Variants in ZNF587 observed in about 807,000 individuals in gnomAD.
ZNF587 encodes the protein zinc finger protein zfp6.
In ZNF587, 8 loss-of-function variants were observed where a neutral mutation model predicts 7.5. The ratio of observed to expected loss-of-function variants is 1.06; its 90% CI spans 0.62 to 1.92. The LOEUF (loss-of-function observed/expected upper bound fraction) is 1.92. Among genes scored for constraint, ZNF587 ranks in the 40% most tolerant of loss-of-function variants. The probability of loss-of-function intolerance (pLI) is 0.00; values close to 1 mark genes in which losing one functional copy is unlikely to be tolerated. For missense variants in ZNF587, 468 were observed against 692.8 expected, an observed-to-expected ratio of 0.68 and a Z score of 3.64; for synonymous variants, 145 against 237.8, an observed-to-expected ratio of 0.61 and a Z score of 3.59.
Position 57,860,876 on chromosome 19 carries a change from G to GAA in ZNF587, c.*737_*738insAA, listed in dbSNP as rs1207939006. On this transcript the variant is annotated 3_prime_UTR_variant, in exon 3 of 3. Transcript: ENST00000339656. ...ATAGATTAAAGTACAACTCTTTTTT[G>GAA]AGACAGAGTCTCACTCTGTCACCCA... 1 of 152,060 alleles carries GAA rather than the reference G, an allele frequency of 6.6e-6. No homozygotes were observed. Among genetic ancestry groups the GAA allele is most frequent in the Non-Finnish European group, 1.5e-5 (1 of 68,056 alleles). The allele number at this position is 152,060 out of a possible 1,614,324, so 9.4% of individuals were successfully genotyped here. A position where few individuals can be genotyped will look rare whatever the true frequency, so the allele number is the denominator to read the frequency against.
rs2071465271 is a variant in ZNF587, at chr19:57,863,565, A to G, written c.*3425A>G. The G allele has an allele frequency of 6.6e-6, 1 of 152,196 alleles. No homozygotes were observed. Among genetic ancestry groups the G allele is most frequent in the African/African-American group, 2.4e-5 (1 of 41,446 alleles). 9.4% of individuals were successfully genotyped at this position (152,196 alleles called of 1,614,324 possible). On this transcript the variant is annotated 3_prime_UTR_variant, in exon 3 of 3. Transcript: ENST00000339656. ...CGCCCTGGCCACTTCTTGTCTTTGC[A>G]ACATTTTTTAGATATGTATTTGTGT...
chr19:57,857,723 C>T (rs2071379792), intron 2 of ZNF587, among the ~76,000 whole-genome samples: 1 of 151,846 alleles, frequency 6.6e-6, no homozygotes, highest in African/African-American at 2.4e-5. Context: ...TAACCTCTGC[C>T]TCCTGGGTTC....
chr19:57,863,621 C>A lies in ZNF587; in HGVS notation c.*3481C>A, dbSNP rs1386546680. Reference sequence around the variant, plus strand: ...GGGGAGCTTAATTTGCTAATGGAATCTCTGTTATTTTCCTAACATGCTTGG... The same window carrying A: ...GGGGAGCTTAATTTGCTAATGGAATATCTGTTATTTTCCTAACATGCTTGG... On this transcript the variant is annotated 3_prime_UTR_variant, in exon 3 of 3. Transcript: ENST00000339656. The A allele has an allele frequency of 6.6e-6, 1 of 152,194 alleles. No individual in the cohort carries two copies. Among genetic ancestry groups the A allele is most frequent in the African/African-American group, 2.4e-5 (1 of 41,428 alleles). 9.4% of individuals were successfully genotyped at this position (152,194 alleles called of 1,614,324 possible). A position where few individuals can be genotyped will look rare whatever the true frequency, so the allele number is the denominator to read the frequency against.
At position 57,849,953 on chromosome 19, in the gene ZNF587, A is replaced by G; in HGVS notation, c.-86A>G. On this transcript the variant is annotated 5_prime_UTR_variant, in exon 1 of 3. Coordinates refer to ENST00000339656, the MANE Select transcript of ZNF587 (RefSeq NM_032828.4). ...CGGTGACTGAACCTAGAAGGTGGAG[A>G]GGAATCGTCCTCGGTGCCCAGAGGC... 1 of 1,612,392 alleles carries G rather than the reference A, an allele frequency of 6.2e-7. No individual in the cohort carries two copies. Among genetic ancestry groups the G allele is most frequent in the South Asian group, 1.1e-5 (1 of 90,844 alleles).
chr19:57,855,737 A>G (rs1180175616), intron 1 of ZNF587, among the ~76,000 whole-genome samples: 2 of 151,482 alleles, frequency 1.3e-5, no homozygotes, highest in Non-Finnish European at 2.9e-5. Flanking sequence ...AATTTTTTGT[A>G]TTTTTAGTAG....
In ZNF587 at chr19:57,856,251, ACCTTTGTGAC is replaced by A; in HGVS notation, c.163+20_163+29del. The A allele has an allele frequency of 1.3e-6, 2 of 1,553,720 alleles. No homozygotes were observed. Among genetic ancestry groups the A allele is most frequent in the Non-Finnish European group, 1.7e-6 (2 of 1,149,802 alleles). On this transcript the variant is annotated intron_variant, in intron 2 of 2. Transcript: ENST00000339656. ...CTCGCTGGGTAAGTTGCTCACGCTC[ACCTTTGTGAC>A]CTGAGCTAGTGTTACTGTTCCCCTG... is the stretch of plus-strand genomic sequence containing the variant.
intron 1 of ZNF587, 98 bp from the exon 2 acceptor site, chr19:57,856,006 C>A: frequency 6.4e-7 from 1 of 1,559,562 alleles, no homozygotes; most frequent in Non-Finnish European, 8.7e-7. Flanking sequence ...GTGTTGGGGA[C>A]CTTGGGAGGA....
At position 57,859,772 on chromosome 19, in the gene ZNF587, C is replaced by T. The variant is rs1410762051; in HGVS notation, c.1360C>T (p.His454Tyr). The T allele has an allele frequency of 5.0e-6, 8 of 1,613,840 alleles. No individual in the cohort carries two copies. Among genetic ancestry groups the T allele is most frequent in the Admixed American group, 1.7e-5 (1 of 59,984 alleles). The change falls in exon 3 of 3, where the codon CAT becomes TAT. Residue 454 changes from histidine (H) to tyrosine (Y), a missense_variant. Physicochemically the swap from His to Tyr is moderately conservative, Grantham distance 83. Coordinates refer to ENST00000339656, the MANE Select transcript of ZNF587 (RefSeq NM_032828.4). Reference sequence around the variant, plus strand: ...TAACAGGAAGTATCATCTTCTGGTTCATGAGAGAGTTCACACTGGAGAAAG... The same window carrying T: ...TAACAGGAAGTATCATCTTCTGGTTTATGAGAGAGTTCACACTGGAGAAAG... Reference protein sequence around the residue: ...LFNRKYHLLVHERVHTGERPY... With the variant: ...LFNRKYHLLVYERVHTGERPY...
chr19:57,851,831 G>A (rs1568505199), intron 1 of ZNF587: 1 of 152,400 alleles, frequency 6.6e-6, no homozygotes, highest in Non-Finnish European at 1.5e-5. Flanking sequence ...TGAGGACTTT[G>A]GGGCCTTGGG....
In ZNF587 at chr19:57,850,053, G is replaced by C; in HGVS notation, c.15G>C (p.Val5=). The change falls in exon 1 of 3, where the codon GTG becomes GTC. Residue 5 remains valine (V), a synonymous_variant. Coordinates refer to ENST00000339656, the MANE Select transcript of ZNF587 (RefSeq NM_032828.4). The part of the protein sequence containing the change: MAAA[V]PRRPTQQGTV... ...CAAGTAGTCCGATGGCAGCGGCTGT[G>C]CCGAGGCGCCCAACTCAGGTAATTG... 1 of 1,614,270 alleles carries C rather than the reference G, an allele frequency of 6.2e-7. No individual in the cohort carries two copies. The highest frequency in any genetic ancestry group is 8.5e-7 in the Non-Finnish European group (1 of 1,180,052).
chr19:57,850,055 C>T lies in ZNF587; in HGVS notation c.17C>T (p.Pro6Leu), dbSNP rs2071260745. 1 of 1,614,254 alleles carries T rather than the reference C, an allele frequency of 6.2e-7. No individual in the cohort carries two copies. Among genetic ancestry groups the T allele is most frequent in the Non-Finnish European group, 8.5e-7 (1 of 1,180,054 alleles). MAAAVPRRPTQQGTVT... is the reference protein window; with the variant it reads MAAAVLRRPTQQGTVT... ...AGTAGTCCGATGGCAGCGGCTGTGCCGAGGCGCCCAACTCAGGTAATTGTG... is the reference window on the plus strand; with the variant it reads ...AGTAGTCCGATGGCAGCGGCTGTGCTGAGGCGCCCAACTCAGGTAATTGTG... Residue 6 changes from proline to leucine, a missense_variant, in exon 1 of 3, where the codon CCG (proline) becomes CTG (leucine). By Grantham distance (98) the Pro-to-Leu change is moderately conservative. Transcript: ENST00000339656.
chr19:57,853,550 G>A (rs749081312), intron 1 of ZNF587, among the ~76,000 whole-genome samples: 5 of 152,240 alleles, frequency 3.3e-5, no homozygotes, highest in South Asian at 2.1e-4. Context: ...TCTTACTTAC[G>A]TCCTCAATTG....
chr19:57,857,134 GGA>G (rs1249428624), intron 2 of ZNF587: 1 of 151,980 alleles, frequency 6.6e-6, no homozygotes, highest in African/African-American at 2.4e-5. Flanking sequence ...GGTGTGAGAT[GGA>G]GAGTCCTCCA....
intron 1 of ZNF587, among the ~76,000 whole-genome samples, chr19:57,854,293 C>A (rs2375150): frequency 0.14 from 20,895 of 150,558 alleles, 4,508 homozygotes; most frequent in African/African-American, 0.46. Context: ...AGGGCCATGG[C>A]TATCTGAAGC....
chr19:57,857,933 GCC>G (rs1243204809), intron 2 of ZNF587, among the ~76,000 whole-genome samples: 1 of 151,650 alleles, frequency 6.6e-6, no homozygotes, highest in African/African-American at 2.4e-5. Flanking sequence ...ACCGTGCCCG[GCC>G]CATATTCTTC....
At chr19:57,853,135 G>A (rs368264271) in intron 1 of ZNF587, among the ~76,000 whole-genome samples, 14 of 152,238 alleles carry the variant, frequency 9.2e-5, no homozygotes, top group African/African-American at 3.4e-4. Flanking sequence ...TTATAGGCAC[G>A]AGCCACCATG....
At chr19:57,853,976 G>C (rs1416288901) in intron 1 of ZNF587, 3 of 152,122 alleles carry the variant, frequency 2.0e-5, no homozygotes, top group Non-Finnish European at 4.4e-5. Flanking sequence ...GGCTAGTCTT[G>C]AACTCCTGAC....
Position 57,861,532 on chromosome 19 carries a change from T to C in ZNF587, c.*1392T>C, listed in dbSNP as rs1246468047. The stretch of plus-strand genomic sequence containing the variant: ...TTTCTGTAGAGAGGGTTTTACCTTT[T>C]TGCCCAGTCTGATCGCGAACTCCTG... On this transcript the variant is annotated 3_prime_UTR_variant, in exon 3 of 3. Coordinates refer to ENST00000339656, the MANE Select transcript of ZNF587 (RefSeq NM_032828.4). The C allele has an allele frequency of 1.3e-5, 2 of 152,154 alleles. No individual in the cohort carries two copies. The highest frequency in any genetic ancestry group is 2.9e-5 in the Non-Finnish European group (2 of 68,046). 9.4% of individuals were successfully genotyped at this position (152,154 alleles called of 1,614,324 possible).
intron 1 of ZNF587, among the ~76,000 whole-genome samples, chr19:57,855,722 C>T (rs576912472): frequency 5.8e-4 from 88 of 151,990 alleles, no homozygotes; most frequent in African/African-American, 1.2e-3. Context: ...CCACCATGCC[C>T]GGCTAATTTT....
Sources: gnomAD v4.1 joint callset for allele counts (sites outside exome capture counted in the v4.1 genomes callset) on GRCh38, gnomAD v4.1.1 for gene constraint, MANE v1.5 for transcripts, NCBI Gene and HGNC (gene_info 2026-07-23, HGNC 2026-07-21) for gene names.